Variants in QRICH1 observed in about 807,000 individuals in gnomAD.
QRICH1 encodes the protein transcriptional regulator QRICH1.
A neutral mutation model predicts 87.1 loss-of-function variants in QRICH1; 16 were observed. The observed-to-expected ratio is 0.18, with a 90% CI of 0.12 to 0.28. The LOEUF (loss-of-function observed/expected upper bound fraction) is 0.28. QRICH1 is among the 10% of genes least tolerant of loss of function. The probability of loss-of-function intolerance (pLI) is 1.00; values close to 1 mark genes in which losing one functional copy is unlikely to be tolerated. For missense variants in QRICH1, 647 were observed against 951.7 expected, an observed-to-expected ratio of 0.68 and a Z score of 4.21; for synonymous variants, 367 against 368.4, an observed-to-expected ratio of 1.00 and a Z score of 0.05.
At chr3:49,050,938 T>A (rs1263542914) in intron 3 of QRICH1, among the ~76,000 whole-genome samples, 4 of 152,156 alleles carry the variant, frequency 2.6e-5, no homozygotes, top group African/African-American at 7.2e-5. Flanking sequence ...AAGTACTTTC[T>A]TAGCTCAGGG....
intron 1 of QRICH1, among the ~76,000 whole-genome samples, chr3:49,079,919 C>A (rs934809266): frequency 2.6e-5 from 4 of 151,916 alleles, no homozygotes; most frequent in Non-Finnish European, 4.4e-5. Context: ...ATACCAGCTA[C>A]TCGGGAGGCC....
At chr3:49,065,930 G>C (rs918621623) in intron 2 of QRICH1, among the ~76,000 whole-genome samples, 1 of 152,106 alleles carries the variant, frequency 6.6e-6, no homozygotes, top group Non-Finnish European at 1.5e-5. Flanking sequence ...TGATCTGCCT[G>C]CCTTGGCCTC....
chr3:49,090,661 A>G (rs1481294362), intron 1 of QRICH1, among the ~76,000 whole-genome samples: 1 of 151,412 alleles, frequency 6.6e-6, no homozygotes, highest in Non-Finnish European at 1.5e-5. Flanking sequence ...AGAGAAAAAG[A>G]GAAAAATATT....
Position 49,044,490 on chromosome 3 carries a change from A to G in QRICH1, c.1686T>C (p.Asn562=). 6.2e-7 allele frequency: 1 copy of G among 1,610,482 alleles called. No individual in the cohort carries two copies. The highest frequency in any genetic ancestry group is 1.7e-5 in the Admixed American group (1 of 59,552). The part of the protein sequence containing the change: ...FLCIQKYLFE[N]GRVDDIFSDL... ...CGGAGAAAATGTCATCTACCCTTCCATTTTCAAAAAGATACTAAAAGAAAA... is the reference window on the plus strand; with the variant it reads ...CGGAGAAAATGTCATCTACCCTTCCGTTTTCAAAAAGATACTAAAAGAAAA... The change falls in exon 6 of 10, where the codon AAT becomes AAC. Residue 562 remains asparagine (N), a synonymous_variant. Transcript: ENST00000395443.
At chr3:49,072,141 G>C (rs2041845154) in intron 2 of QRICH1, among the ~76,000 whole-genome samples, 1 of 152,204 alleles carries the variant, frequency 6.6e-6, no homozygotes, top group Admixed American at 6.6e-5. Context: ...GACCACCCTA[G>C]CCAACATGGT....
At position 49,047,163 on chromosome 3, in the gene QRICH1, C is replaced by T. The variant is rs769384852; in HGVS notation, c.1422G>A (p.Lys474=). The T allele has an allele frequency of 1.2e-6, 2 of 1,614,148 alleles. No homozygotes were observed. The highest frequency in any genetic ancestry group is 1.7e-6 in the Non-Finnish European group (2 of 1,180,042). The part of the protein sequence containing the change: ...SPELLLPNSL[K]PEEGLEVWKN... ...TCCATACTTCAAGCCCTTCTTCTGG[C>T]TTCAAAGAATTTGGAAGCAGAAGTT... The change falls in exon 4 of 10, where the codon AAG becomes AAA. Residue 474 remains lysine, a synonymous_variant. Transcript: ENST00000395443.
In QRICH1 at chr3:49,029,789, T is replaced by C. The variant is rs2093222330; in HGVS notation, c.*663A>G. On this transcript the variant is annotated 3_prime_UTR_variant, in exon 10 of 10. Coordinates refer to ENST00000395443, the MANE Select transcript of QRICH1 (RefSeq NM_198880.3). ...GAAACAGAGTGGTATCTTTATATGA[T>C]ACACAAGTGTATGTTACAAGAATTC... 8.6e-6 allele frequency: 2 copies of C among 232,124 alleles called. No individual in the cohort carries two copies. Among genetic ancestry groups the C allele is most frequent in the African/African-American group, 4.6e-5 (2 of 43,390 alleles). The allele number at this position is 232,124 out of a possible 1,614,324, so 14.4% of individuals were successfully genotyped here. A position where few individuals can be genotyped will look rare whatever the true frequency, so the allele number is the denominator to read the frequency against.
Position 49,056,904 on chromosome 3 carries a change from T to C in QRICH1, c.1296A>G (p.Pro432=), listed in dbSNP as rs774437195. 1.2e-6 allele frequency: 2 copies of C among 1,613,948 alleles called. No homozygotes were observed. Among genetic ancestry groups the C allele is most frequent in the Admixed American group, 3.3e-5 (2 of 60,002 alleles). Residue 432 remains proline, a synonymous_variant, in exon 3 of 10, where the codon CCA becomes CCG. Transcript: ENST00000395443. ...GTTGCTGCTGCTGCTGCTGTGGTGG[T>C]GGTGTCTGTTCCTGGGGAGTTTGCT... ...PQQQTPQEQT[P]PPQQQQQQLQ... is the part of the protein sequence containing the mutation.
At chr3:49,034,438 T>C (rs1175743196) in intron 6 of QRICH1, among the ~76,000 whole-genome samples, 4 of 146,648 alleles carry the variant, frequency 2.7e-5, no homozygotes, top group Non-Finnish European at 6.0e-5. Flanking sequence ...TGAGATCCTG[T>C]CTCAAAAAAA....
intron 2 of QRICH1, among the ~76,000 whole-genome samples, chr3:49,074,744 C>G (rs1407522740): frequency 6.6e-6 from 1 of 151,710 alleles, no homozygotes; most frequent in African/African-American, 2.4e-5. Context: ...TTTGGGAGGC[C>G]GAGGCAGGTG....
intron 2 of QRICH1, among the ~76,000 whole-genome samples, chr3:49,064,534 T>C (rs2093455547): frequency 6.6e-6 from 1 of 151,984 alleles, no homozygotes; most frequent in Admixed American, 6.6e-5. Context: ...ATTACAGGCA[T>C]GAGCCACCAC....
At chr3:49,058,185 T>C (rs1021090466) in intron 2 of QRICH1, among the ~76,000 whole-genome samples, 4 of 152,198 alleles carry the variant, frequency 2.6e-5, no homozygotes, top group Admixed American at 6.6e-5. Flanking sequence ...GGACTCGCTC[T>C]GTCGCCCAGG....
At chr3:49,032,388 G>GA in intron 8 of QRICH1, 115 bp from the exon 9 acceptor site, 1 of 821,340 alleles carries the variant, frequency 1.2e-6, no homozygotes, top group Non-Finnish European at 2.0e-6. Context: ...AGGGTCGGGG[G>GA]AGGGAAGGTA....
chr3:49,057,705 T>C lies in QRICH1; in HGVS notation c.495A>G (p.Gln165=). The change falls in exon 3 of 10, where the codon CAA becomes CAG. Residue 165 remains glutamine (Q), a synonymous_variant. Coordinates refer to ENST00000395443, the MANE Select transcript of QRICH1 (RefSeq NM_198880.3). The surrounding 1 kb of genome is among the most constrained non-coding windows in gnomAD (Gnocchi z 5.4). Reference sequence around the variant, plus strand: ...CGTGCTGCACCTGGATCTGAGCTGCTTGCAGCTGCGAGGGACTGGGACTCT... The same window carrying C: ...CGTGCTGCACCTGGATCTGAGCTGCCTGCAGCTGCGAGGGACTGGGACTCT... ...SLQSPSPSQL[Q]AAQIQVQHVQ... 1.2e-6 allele frequency: 2 copies of C among 1,614,156 alleles called. No individual in the cohort carries two copies. The highest frequency in any genetic ancestry group is 1.7e-6 in the Non-Finnish European group (2 of 1,180,006).
intron 1 of QRICH1, chr3:49,083,296 T>G (rs2042104345): frequency 6.6e-6 from 1 of 151,244 alleles, no homozygotes; most frequent in South Asian, 2.1e-4. Flanking sequence ...GGAGGATTGC[T>G]TGAGTAGTCC....
At chr3:49,073,060 G>A (rs546666132) in intron 2 of QRICH1, among the ~76,000 whole-genome samples, 1 of 151,510 alleles carries the variant, frequency 6.6e-6, no homozygotes, top group Admixed American at 6.6e-5. Context: ...CAGAAAAAAT[G>A]AAGGAAAGGG....
intron 6 of QRICH1, among the ~76,000 whole-genome samples, chr3:49,033,987 C>CAAAAACAA (rs1278874769): frequency 2.7e-5 from 4 of 148,358 alleles, no homozygotes; most frequent in South Asian, 4.3e-4. Context: ...ACTCCCATCT[C>CAAAAACAA]AAAAACAAAA....
intron 1 of QRICH1, chr3:49,092,197 T>C (rs1181514113): frequency 1.3e-5 from 2 of 152,212 alleles, no homozygotes; most frequent in Non-Finnish European, 2.9e-5. Context: ...TCCACTGACT[T>C]ATATCCTAAG....
intron 1 of QRICH1, among the ~76,000 whole-genome samples, chr3:49,088,971 G>C (rs1004156775): frequency 5.9e-5 from 9 of 151,998 alleles, no homozygotes; most frequent in African/African-American, 1.9e-4. Context: ...GTTTGTGATA[G>C]AAGTTATCCC....
Sources: gnomAD v4.1 joint callset for allele counts (sites outside exome capture counted in the v4.1 genomes callset) on GRCh38, gnomAD v4.1.1 for gene constraint, Gnocchi (gnomAD v3.1) non-coding constraint, MANE v1.5 for transcripts, NCBI Gene and HGNC (gene_info 2026-07-23, HGNC 2026-07-21) for gene names.